Variants in PRR35 observed in about 807,000 individuals in gnomAD.
PRR35 encodes the protein proline rich 35, also known as proline-rich protein 35.
In PRR35, 14 loss-of-function variants were observed where a neutral mutation model predicts 18.6. The observed-to-expected ratio is 0.75, with a 90% CI of 0.50 to 1.18. The LOEUF (loss-of-function observed/expected upper bound fraction) is 1.18, where lower values mean the gene tolerates loss of function less well. Among genes scored for constraint, PRR35 ranks in the 50% most tolerant of loss-of-function variants. PRR35 has a pLI of 0.00. For synonymous variants in PRR35, 425 were observed against 378.2 expected (o/e 1.12, Z -1.43); for missense variants, 832 against 792.2 (o/e 1.05, Z -0.60).
At chr16:562,892 A>G (rs895733286) in intron 1 of PRR35, among the ~76,000 whole-genome samples, 4 of 152,342 alleles carry the variant, frequency 2.6e-5, no homozygotes, top group Admixed American at 2.0e-4. Context: ...AACCGATAAA[A>G]TAAAGGACGC....
rs550234946 is a variant in PRR35, at chr16:564,034, C to T, written c.740C>T (p.Thr247Met). ...ASASPLLPPATAFPAVQPPQR... is the reference protein window; with the variant it reads ...ASASPLLPPAMAFPAVQPPQR... ...GCCAGCCCCCTGCTGCCCCCGGCCA[C>T]GGCCTTCCCAGCCGTGCAGCCCCCT... Residue 247 changes from threonine (T) to methionine (M), a missense_variant, in exon 2 of 3, where the codon ACG becomes ATG. By Grantham distance (81) the Thr-to-Met change is moderately conservative. Coordinates refer to ENST00000409413, the MANE Select transcript of PRR35 (RefSeq NM_145270.3). The T allele has an allele frequency of 6.3e-5, 99 of 1,577,700 alleles. No homozygotes were observed. Among genetic ancestry groups the T allele is most frequent in the South Asian group, 1.4e-4 (12 of 87,592 alleles).
Position 564,766 on chromosome 16 carries a change from A to G in PRR35, c.1175A>G (p.Gln392Arg). The G allele has an allele frequency of 6.5e-7, 1 of 1,540,518 alleles. No individual in the cohort carries two copies. ...GGCCCTGAGGGCCCCCTCCCCCTGCAGCCACGGGGCCCAGTGCCAGGAAGC... is the reference window on the plus strand; with the variant it reads ...GGCCCTGAGGGCCCCCTCCCCCTGCGGCCACGGGGCCCAGTGCCAGGAAGC... ...TPGPEGPLPL[Q>R]PRGPVPGSPE... is the part of the protein sequence containing the mutation. Residue 392 changes from glutamine (Q) to arginine (R), a missense_variant, in exon 3 of 3, where the codon CAG (glutamine) becomes CGG (arginine). Gln to Arg is a conservative substitution (Grantham distance 43, BLOSUM62 1). This residue lies in a region of PRR35 where 768 missense variants were observed against 704.1 expected (regional missense o/e 1.09). Transcript: ENST00000409413.
Position 563,789 on chromosome 16 carries a change from G to A in PRR35, c.495G>A (p.Gly165=). The change falls in exon 2 of 3, where the codon GGG becomes GGA. Residue 165 remains glycine (G), a synonymous_variant. Transcript: ENST00000409413. The part of the protein sequence containing the change: ...SGLLPESWKP[G]MGGDPRGVGA... The stretch of plus-strand genomic sequence containing the variant: ...TCCTGCCTGAGTCGTGGAAGCCGGG[G>A]ATGGGAGGGGACCCAAGGGGCGTGG... 6.7e-7 allele frequency: 1 copy of A among 1,499,814 alleles called. No individual in the cohort carries two copies. 92.9% of individuals were successfully genotyped at this position (1,499,814 alleles called of 1,614,324 possible). A position where few individuals can be genotyped will look rare whatever the true frequency, so the allele number is the denominator to read the frequency against.
chr16:563,381 G>A lies in PRR35; in HGVS notation c.87G>A (p.Arg29=). The change falls in exon 2 of 3, where the codon CGG becomes CGA. Residue 29 remains arginine (R), a synonymous_variant. Coordinates refer to ENST00000409413, the MANE Select transcript of PRR35 (RefSeq NM_145270.3). ...CCAAGAAGCCACACTACATCCCGCG[G>A]CCCTGGGGCAAACCCTACAACTACA... is the stretch of plus-strand genomic sequence containing the variant. ...RKPKKPHYIP[R]PWGKPYNYKC... The A allele has an allele frequency of 6.2e-7, 1 of 1,612,390 alleles. No individual in the cohort carries two copies.
In PRR35 at chr16:563,628, C is replaced by G. The variant is rs1425819015; in HGVS notation, c.334C>G (p.Pro112Ala). Residue 112 changes from proline to alanine, a missense_variant, in exon 2 of 3, where the codon CCC becomes GCC. Coordinates refer to ENST00000409413, the MANE Select transcript of PRR35 (RefSeq NM_145270.3). ...PQGARPTGAA[P>A]APDLVVADIH... ...GGGAGCACGGCCCACAGGTGCTGCC[C>G]CCGCGCCTGACCTCGTGGTCGCCGA... is the stretch of plus-strand genomic sequence containing the variant. 1.2e-5 allele frequency: 19 copies of G among 1,582,950 alleles called. No homozygotes were observed. Among genetic ancestry groups the G allele is most frequent in the Non-Finnish European group, 1.6e-5 (19 of 1,170,668 alleles).
rs1295626066 is a variant in PRR35 at position 560,486 on chromosome 16, G to A, written c.-215G>A. The A allele has an allele frequency of 5.1e-6, 5 of 982,488 alleles. No individual in the cohort carries two copies. Among genetic ancestry groups the A allele is most frequent in the East Asian group, 1.1e-4 (1 of 8,730 alleles). The allele number at this position is 982,488 out of a possible 1,614,324, so 60.9% of individuals were successfully genotyped here. A position where few individuals can be genotyped will look rare whatever the true frequency, so the allele number is the denominator to read the frequency against. On this transcript the variant is annotated 5_prime_UTR_variant, in exon 1 of 3. Coordinates refer to ENST00000409413, the MANE Select transcript of PRR35 (RefSeq NM_145270.3). ...GCTCGAGGGACCGCGGACCCGGGAG[G>A]TCCGGCTCCCGGCGCCGGGCCTCAG...
rs1178003854 is a variant in PRR35 at position 564,702 on chromosome 16, T to C, written c.1111T>C (p.Trp371Arg). 10 of 1,532,926 alleles carry C rather than the reference T, an allele frequency of 6.5e-6. No homozygotes were observed. The highest frequency in any genetic ancestry group is 8.7e-6 in the Non-Finnish European group (10 of 1,146,078). The allele number at this position is 1,532,926 out of a possible 1,614,324, so 95.0% of individuals were successfully genotyped here. Residue 371 changes from tryptophan (W) to arginine (R), a missense_variant, in exon 3 of 3, where the codon TGG (tryptophan) becomes CGG (arginine). By Grantham distance (101) the Trp-to-Arg change is moderately radical. Around this residue, in one of 3 missense-constraint regions of PRR35, gnomAD observed 768 missense variants for 704.1 expected, o/e 1.09. Coordinates refer to ENST00000409413, the MANE Select transcript of PRR35 (RefSeq NM_145270.3). Reference protein sequence around the residue: ...SLPTGSSVMLWPEDGDPGGPE... With the variant: ...SLPTGSSVMLRPEDGDPGGPE... ...GCCCACCGGCTCCTCTGTGATGCTG[T>C]GGCCTGAGGACGGGGATCCAGGCGG...
chr16:564,378 T>C lies in PRR35; in HGVS notation c.1082+2T>C, dbSNP rs997186466. 59 of 1,589,244 alleles carry C rather than the reference T, an allele frequency of 3.7e-5. No homozygotes were observed. Among genetic ancestry groups the C allele is most frequent in the Non-Finnish European group, 4.8e-5 (57 of 1,175,750 alleles). On this transcript the variant is annotated splice_donor_variant, in intron 2 of 2. Transcript: ENST00000409413. LOFTEE classifies it high-confidence loss of function. ...GACAAGGTTCTGTTCCCGGAGCAGGTGGGCGTCTTGGGCTCCCGGTTCCTG... is the reference window on the plus strand; with the variant it reads ...GACAAGGTTCTGTTCCCGGAGCAGGCGGGCGTCTTGGGCTCCCGGTTCCTG...
intron 1 of PRR35, among the ~76,000 whole-genome samples, chr16:562,121 G>C (rs1375177338): frequency 1.3e-5 from 2 of 152,244 alleles, no homozygotes; most frequent in African/African-American, 4.8e-5. Context: ...GCGCGTGCTG[G>C]GGCGGTGGAC....
At chr16:561,239 A>G (rs540320752) in intron 1 of PRR35, among the ~76,000 whole-genome samples, 3 of 152,218 alleles carry the variant, frequency 2.0e-5, no homozygotes, top group Admixed American at 6.5e-5. Flanking sequence ...GGTGCCAGCT[A>G]TCCTCCGGGT....
Position 565,429 on chromosome 16 carries a change from G to C in PRR35, c.*122G>C, listed in dbSNP as rs1356012986. The C allele has an allele frequency of 1.8e-6, 2 of 1,086,324 alleles. No homozygotes were observed. The highest frequency in any genetic ancestry group is 2.5e-6 in the Non-Finnish European group (2 of 814,664). 67.3% of individuals were successfully genotyped at this position (1,086,324 alleles called of 1,614,324 possible). A position where few individuals can be genotyped will look rare whatever the true frequency, so the allele number is the denominator to read the frequency against. Reference sequence around the variant, plus strand: ...CGCATGCATGTGGATAGACCCCCACGGGCCGTGGCCAACGCTTGTCCCTGG... The same window carrying C: ...CGCATGCATGTGGATAGACCCCCACCGGCCGTGGCCAACGCTTGTCCCTGG... On this transcript the variant is annotated 3_prime_UTR_variant, in exon 3 of 3. Coordinates refer to ENST00000409413, the MANE Select transcript of PRR35 (RefSeq NM_145270.3).
At chr16:561,302 G>A (rs981061744) in intron 1 of PRR35, among the ~76,000 whole-genome samples, 11 of 152,190 alleles carry the variant, frequency 7.2e-5, no homozygotes, top group African/African-American at 2.2e-4. Context: ...CCCCTGACCC[G>A]GGAGCCCCCG....
chr16:562,756 T>C (rs1596374391), intron 1 of PRR35, among the ~76,000 whole-genome samples: 1 of 152,202 alleles, frequency 6.6e-6, no homozygotes, highest in East Asian at 1.9e-4. Context: ...CCACCCGAAG[T>C]GAGCTCTGGT....
In PRR35 at chr16:565,240, C is replaced by T. The variant is rs368109839; in HGVS notation, c.1649C>T (p.Ala550Val). Residue 550 changes from alanine (A) to valine (V), a missense_variant, in exon 3 of 3, where the codon GCG (alanine) becomes GTG (valine). This residue lies in a region of PRR35 where 768 missense variants were observed against 704.1 expected (regional missense o/e 1.09). Transcript: ENST00000409413. ...GGCAGTGGCTGGGGCACCTGTGTTGCGACGAGGAGTTCCCAGACCCCTGAG... is the reference window on the plus strand; with the variant it reads ...GGCAGTGGCTGGGGCACCTGTGTTGTGACGAGGAGTTCCCAGACCCCTGAG... ...IPGSGWGTCV[A>V]TRSSQTPEAV... 126 of 1,602,114 alleles carry T rather than the reference C, an allele frequency of 7.9e-5. No individual in the cohort carries two copies. The highest frequency in any genetic ancestry group is 9.1e-5 in the Non-Finnish European group (107 of 1,175,054).
chr16:565,193 C>T lies in PRR35; in HGVS notation c.1602C>T (p.Ala534=), dbSNP rs374887241. 66 of 1,611,006 alleles carry T rather than the reference C, an allele frequency of 4.1e-5. No individual in the cohort carries two copies. The African/African-American group carries it at 7.9e-4, about 19-fold the overall frequency. The change falls in exon 3 of 3, where the codon GCC becomes GCT. Residue 534 remains alanine (A), a synonymous_variant. Transcript: ENST00000409413. ...CACCCCCAGGGCTCCCCCTCGCAGCCCCAGATGACCCTGTCATTCCTGGCA... is the reference window on the plus strand; with the variant it reads ...CACCCCCAGGGCTCCCCCTCGCAGCTCCAGATGACCCTGTCATTCCTGGCA... The part of the protein sequence containing the change: ...SVPPPGLPLA[A]PDDPVIPGSG...
Position 564,232 on chromosome 16 carries a change from C to T in PRR35, c.938C>T (p.Pro313Leu). The T allele has an allele frequency of 6.4e-7, 1 of 1,571,136 alleles. No individual in the cohort carries two copies. Among genetic ancestry groups the T allele is most frequent in the Non-Finnish European group, 8.6e-7 (1 of 1,164,148 alleles). ...CCAGTTCCAGGGCTGGGGCCCTGGC[C>T]CCGAGTCACCCCCAGGGACCCAGGG... is the stretch of plus-strand genomic sequence containing the variant. ...KVPVPGLGPW[P>L]RVTPRDPGQE... is the part of the protein sequence containing the mutation. Residue 313 changes from proline (P) to leucine (L), a missense_variant, in exon 2 of 3, where the codon CCC becomes CTC. Physicochemically the swap from Pro to Leu is moderately conservative, Grantham distance 98 (BLOSUM62 -3). Transcript: ENST00000409413.
At position 563,580 on chromosome 16, in the gene PRR35, TC is replaced by T; in HGVS notation, c.288del (p.Asp97ThrfsTer206). ...HAPTPDRPGE[S>X]DPGRQPQGAR... ...ACCCACCCCAGACCGCCCTGGGGAG[TC>T]CGACCCCGGCAGGCAACCCCAGGGA... On this transcript the variant is annotated frameshift_variant, in exon 2 of 3. Transcript: ENST00000409413. LOFTEE classifies it high-confidence loss of function. 1.2e-6 allele frequency: 2 copies of T among 1,602,094 alleles called. No homozygotes were observed. The highest frequency in any genetic ancestry group is 1.7e-6 in the Non-Finnish European group (2 of 1,176,608).
In PRR35 at chr16:565,189, C is replaced by T. The variant is rs774646029; in HGVS notation, c.1598C>T (p.Ala533Val). 5.6e-6 allele frequency: 9 copies of T among 1,611,008 alleles called. No homozygotes were observed. The highest frequency in any genetic ancestry group is 6.8e-6 in the Non-Finnish European group (8 of 1,179,164). Residue 533 changes from alanine (A) to valine (V), a missense_variant, in exon 3 of 3, where the codon GCA becomes GTA. Around this residue, in one of 3 missense-constraint regions of PRR35, gnomAD observed 768 missense variants for 704.1 expected, o/e 1.09. Transcript: ENST00000409413. ...GTCCCACCCCCAGGGCTCCCCCTCG[C>T]AGCCCCAGATGACCCTGTCATTCCT... The part of the protein sequence containing the change: ...SSVPPPGLPL[A>V]APDDPVIPGS...
chr16:564,064 G>A lies in PRR35; in HGVS notation c.770G>A (p.Arg257His), dbSNP rs1436501017. The A allele has an allele frequency of 2.6e-6, 4 of 1,535,596 alleles. No homozygotes were observed. The highest frequency in any genetic ancestry group is 2.4e-5 in the East Asian group (1 of 41,218). Residue 257 changes from arginine (R) to histidine (H), a missense_variant, in exon 2 of 3, where the codon CGC becomes CAC. Arg to His is a conservative substitution (Grantham distance 29). This residue lies in a region of PRR35 where 768 missense variants were observed against 704.1 expected (regional missense o/e 1.09). Transcript: ENST00000409413. Reference protein sequence around the residue: ...TAFPAVQPPQRPTPAPRLYYP... With the variant: ...TAFPAVQPPQHPTPAPRLYYP... Reference sequence around the variant, plus strand: ...TTCCCAGCCGTGCAGCCCCCTCAGCGCCCCACCCCGGCCCCCCGCCTGTAC... The same window carrying A: ...TTCCCAGCCGTGCAGCCCCCTCAGCACCCCACCCCGGCCCCCCGCCTGTAC...
Sources: allele counts gnomAD v4.1 joint callset (sites outside exome capture counted in the v4.1 genomes callset), GRCh38; gene constraint gnomAD v4.1.1; regional missense constraint gnomAD v4.1.1; transcripts MANE v1.5; gene names NCBI Gene and HGNC (gene_info 2026-07-23, HGNC 2026-07-21).